Variants in ULK4 observed in about 807,000 individuals in gnomAD.
ULK4 encodes unc-51 like kinase 4.
Under a neutral mutation model 160.6 loss-of-function variants are expected in ULK4, and 133 were observed. The ratio of observed to expected loss-of-function variants is 0.83; its 90% CI spans 0.72 to 0.96. The LOEUF (loss-of-function observed/expected upper bound fraction) is 0.96, where lower values mean the gene tolerates loss of function less well. Among genes scored for constraint, ULK4 ranks in the 40% least tolerant of loss-of-function variants. ULK4 has a pLI of 0.00. For missense variants in ULK4, 1,580 were observed against 1,499.5 expected, an observed-to-expected ratio of 1.05 and a Z score of -0.89; for synonymous variants, 534 against 539.8, an observed-to-expected ratio of 0.99 and a Z score of 0.15.
intron 21 of ULK4, among the ~76,000 whole-genome samples, chr3:41,770,592 C>T (rs932921440): frequency 6.6e-6 from 1 of 151,460 alleles, no homozygotes; most frequent in Non-Finnish European, 1.5e-5. Flanking sequence ...TCACTGCAAC[C>T]TCCAGTCTCC....
intron 20 of ULK4, among the ~76,000 whole-genome samples, chr3:41,797,157 T>A (rs1309889894): frequency 1.3e-5 from 2 of 151,200 alleles, no homozygotes; most frequent in Admixed American, 6.6e-5. Context: ...TACAAGGCCA[T>A]CAAAATAATT....
chr3:41,334,334 C>T (rs752579090), intron 35 of ULK4, among the ~76,000 whole-genome samples: 1 of 152,084 alleles, frequency 6.6e-6, no homozygotes, highest in African/African-American at 2.4e-5. Context: ...ATTAGTCACT[C>T]GTATTGGTTG....
intron 35 of ULK4, among the ~76,000 whole-genome samples, chr3:41,285,282 T>A (rs948685444): frequency 3.3e-5 from 5 of 152,224 alleles, no homozygotes; most frequent in African/African-American, 1.2e-4. Flanking sequence ...AAAAGATACT[T>A]GCACACGCAT....
At chr3:41,598,563 T>G (rs112047854) in intron 31 of ULK4, among the ~76,000 whole-genome samples, 3 of 152,134 alleles carry the variant, frequency 2.0e-5, no homozygotes, top group Non-Finnish European at 4.4e-5. Context: ...GTAAATCATG[T>G]GGGAACAGCA....
intron 8 of ULK4, chr3:41,915,291 T>C (rs1020248083): frequency 1.1e-4 from 17 of 152,208 alleles, no homozygotes; most frequent in African/African-American, 4.1e-4. Flanking sequence ...AAAATATATT[T>C]AATAAAAGAA....
intron 34 of ULK4, among the ~76,000 whole-genome samples, chr3:41,434,467 C>T (rs1262740799): frequency 6.6e-6 from 1 of 152,072 alleles, no homozygotes; most frequent in African/African-American, 2.4e-5. Context: ...ATTGTAAAAG[C>T]AAACACTATT....
chr3:41,932,757 T>C (rs540311949), intron 4 of ULK4, among the ~76,000 whole-genome samples: 25 of 152,288 alleles, frequency 1.6e-4, no homozygotes, highest in African/African-American at 5.5e-4. Context: ...TTCAAGGCTA[T>C]GTAGGGTCAA....
intron 17 of ULK4, among the ~76,000 whole-genome samples, chr3:41,866,156 T>C (rs1042237417): frequency 9.2e-5 from 14 of 152,196 alleles, no homozygotes; most frequent in African/African-American, 1.9e-4. Flanking sequence ...TTTCCCTCAA[T>C]TGAGTTGGTC....
rs769433586 is a variant in ULK4, at chr3:41,357,584, G to C, written c.3678+40495C>G. ...GAGCTGAGAGATCCTTGGCACTGGA[G>C]ACTGTCATCTGTGTTTGCTCACTGC... is the stretch of plus-strand genomic sequence containing the variant. On this transcript the variant is annotated intron_variant, in intron 35 of 36. Coordinates refer to ENST00000301831, the MANE Select transcript of ULK4 (RefSeq NM_017886.4). 5.4e-4 allele frequency among the ~76,000 whole-genome samples: 82 copies of C among 152,164 alleles called. 1 individual carries two copies. The highest frequency in any genetic ancestry group is 3.4e-4 in the Non-Finnish European group (23 of 68,024).
chr3:41,778,334 G>C (rs2039711737), intron 21 of ULK4, among the ~76,000 whole-genome samples: 1 of 25,658 alleles, frequency 3.9e-5, no homozygotes, highest in South Asian at 1.6e-3. Context: ...AAATAAAAGA[G>C]GACACAAACA....
intron 27 of ULK4, among the ~76,000 whole-genome samples, chr3:41,689,084 C>T (rs2036196379): frequency 1.3e-5 from 2 of 152,172 alleles, no homozygotes; most frequent in African/African-American, 4.8e-5. Context: ...TTCTAATGAG[C>T]CCACTTCCAG....
intron 32 of ULK4, among the ~76,000 whole-genome samples, chr3:41,553,186 G>A (rs1158282975): frequency 1.3e-5 from 2 of 151,940 alleles, no homozygotes; most frequent in African/African-American, 4.8e-5. Context: ...TCAGGACATT[G>A]GTCTAGGCAA....
chr3:41,570,576 A>G (rs1414251748), intron 31 of ULK4, among the ~76,000 whole-genome samples: 1 of 152,234 alleles, frequency 6.6e-6, no homozygotes, highest in Non-Finnish European at 1.5e-5. Flanking sequence ...CCCATCTGTC[A>G]GCAAATATAG....
At chr3:41,412,802 C>T (rs757851731) in intron 34 of ULK4, among the ~76,000 whole-genome samples, 13 of 151,910 alleles carry the variant, frequency 8.6e-5, no homozygotes, top group Non-Finnish European at 1.6e-4. Flanking sequence ...CTCAAGTAAT[C>T]CACCTGTCTC....
chr3:41,906,021 T>A (rs1382328379), intron 12 of ULK4, among the ~76,000 whole-genome samples: 1 of 151,640 alleles, frequency 6.6e-6, no homozygotes, highest in Non-Finnish European at 1.5e-5. Flanking sequence ...ATCGAGACCA[T>A]CCTGGCTAAC....
At chr3:41,653,242 C>G (rs1400779576) in intron 30 of ULK4, among the ~76,000 whole-genome samples, 1 of 152,128 alleles carries the variant, frequency 6.6e-6, no homozygotes, top group Non-Finnish European at 1.5e-5. Context: ...ACCAGACACC[C>G]AGGGACAGCC....
chr3:41,941,578 G>A (rs915990971), intron 2 of ULK4, among the ~76,000 whole-genome samples: 1 of 150,942 alleles, frequency 6.6e-6, no homozygotes, highest in African/African-American at 2.4e-5. Context: ...GGAGCAACTT[G>A]TAAGAAACTA....
At chr3:41,387,899 T>C (rs1425649849) in intron 35 of ULK4, among the ~76,000 whole-genome samples, 1 of 152,220 alleles carries the variant, frequency 6.6e-6, no homozygotes, top group Non-Finnish European at 1.5e-5. Flanking sequence ...AGTAATGGGA[T>C]GGCTGGGTCA....
At chr3:41,586,181 A>G (rs1052042226) in intron 31 of ULK4, among the ~76,000 whole-genome samples, 4 of 152,230 alleles carry the variant, frequency 2.6e-5, no homozygotes, top group African/African-American at 4.8e-5. Context: ...TAGGATCTCA[A>G]AGAGAGAATT....
Sources: gnomAD v4.1 joint callset for allele counts (sites outside exome capture counted in the v4.1 genomes callset) on GRCh38, gnomAD v4.1.1 for gene constraint, MANE v1.5 for transcripts, NCBI Gene and HGNC (gene_info 2026-07-23, HGNC 2026-07-21) for gene names.